Variants in ASPH observed in about 807,000 individuals in gnomAD.
The protein encoded by ASPH is aspartyl/asparaginyl beta-hydroxylase.
A neutral mutation model predicts 118.4 loss-of-function variants in ASPH; 100 were observed. That is an observed-to-expected ratio of 0.84 (90% CI 0.72 to 1.00). The LOEUF (loss-of-function observed/expected upper bound fraction) is 1.00. Among genes scored for constraint, ASPH ranks in the 50% least tolerant of loss-of-function variants. The pLI is 0.00. For missense variants in ASPH, 920 were observed against 919.5 expected (o/e 1.00, Z -0.01); for synonymous variants, 315 against 325.6 (o/e 0.97, Z 0.35).
intron 1 of ASPH, among the ~76,000 whole-genome samples, chr8:61,713,957 C>G (rs529436341): frequency 6.6e-6 from 1 of 152,352 alleles, no homozygotes; most frequent in East Asian, 1.9e-4. Flanking sequence ...ATGTTCAATT[C>G]CACGGAAAGC....
At chr8:61,578,383 G>C in intron 15 of ASPH, 1 of 1,605,354 alleles carries the variant, frequency 6.2e-7, no homozygotes, top group Non-Finnish European at 8.5e-7. Flanking sequence ...GGCGGCTATA[G>C]TGGGGCCAGC....
intron 1 of ASPH, among the ~76,000 whole-genome samples, chr8:61,707,239 T>TA (rs763178106): frequency 0.039 from 5,680 of 145,514 alleles, 301 homozygotes; most frequent in African/African-American, 0.13. Flanking sequence ...TTCAGGATAT[T>TA]AAAAAAAAAA....
intron 21 of ASPH, among the ~76,000 whole-genome samples, chr8:61,534,831 G>A (rs1818895972): frequency 6.6e-6 from 1 of 152,212 alleles, no homozygotes; most frequent in South Asian, 2.1e-4. Flanking sequence ...TAATTTGCAA[G>A]GGCAGCCATA....
At chr8:61,511,730 A>G (rs1313389068) in intron 24 of ASPH, among the ~76,000 whole-genome samples, 2 of 152,174 alleles carry the variant, frequency 1.3e-5, no homozygotes, top group African/African-American at 4.8e-5. Context: ...CAGCCTCCCA[A>G]GTAGCTGGGA....
At chr8:61,640,040 T>A (rs779184478) in intron 10 of ASPH, among the ~76,000 whole-genome samples, 18 of 152,218 alleles carry the variant, frequency 1.2e-4, no homozygotes, top group Admixed American at 4.6e-4. Flanking sequence ...CTATCATATC[T>A]GTCCTATCCG....
intron 21 of ASPH, among the ~76,000 whole-genome samples, chr8:61,544,729 A>C (rs1261213219): frequency 6.6e-6 from 1 of 152,232 alleles, no homozygotes; most frequent in Non-Finnish European, 1.5e-5. Flanking sequence ...AAGGTCATAC[A>C]ATGAACCTAA....
At chr8:61,684,434 A>G in intron 1 of ASPH, 1 of 407,838 alleles carries the variant, frequency 2.5e-6, no homozygotes, top group Non-Finnish European at 4.4e-6. Flanking sequence ...AAGATTTAGT[A>G]TAATATGTAT....
intron 1 of ASPH, among the ~76,000 whole-genome samples, chr8:61,705,204 C>T (rs909528080): frequency 2.0e-5 from 3 of 152,004 alleles, no homozygotes; most frequent in Non-Finnish European, 4.4e-5. Context: ...TGACTACCTA[C>T]GGACACAAAG....
At chr8:61,554,364 C>A (rs1397983258) in intron 19 of ASPH, among the ~76,000 whole-genome samples, 2 of 152,120 alleles carry the variant, frequency 1.3e-5, no homozygotes, top group African/African-American at 4.8e-5. Flanking sequence ...TTAATAGAAC[C>A]ATGCCAGCCA....
In ASPH at chr8:61,658,307, G is replaced by A. The variant is rs544317138; in HGVS notation, c.323-4647C>T. The A allele has an allele frequency of 4.2e-4, 64 of 152,324 alleles. 1 individual carries two copies. The highest frequency in any genetic ancestry group is 1.2e-3 in the African/African-American group (48 of 41,566). The allele number at this position is 152,324 out of a possible 1,614,324, so 9.4% of individuals were successfully genotyped here. A position where few individuals can be genotyped will look rare whatever the true frequency, so the allele number is the denominator to read the frequency against. On this transcript the variant is annotated intron_variant, in intron 3 of 24. Transcript: ENST00000379454. ...TTCAAAGCATCTTCAAGTAACCCAA[G>A]CTGGACAGACAGATTTCAAACAGAC...
intron 14 of ASPH, among the ~76,000 whole-genome samples, chr8:61,586,251 T>C (rs1253742584): frequency 1.3e-5 from 2 of 152,230 alleles, no homozygotes; most frequent in Non-Finnish European, 2.9e-5. Context: ...GTCTTCAGTC[T>C]CTTTAGCGGC....
intron 21 of ASPH, among the ~76,000 whole-genome samples, chr8:61,536,043 T>TG (rs1819429982): frequency 6.6e-6 from 1 of 150,562 alleles, no homozygotes; most frequent in East Asian, 2.0e-4. Flanking sequence ...GTGACTTTTT[T>TG]TTTTTTTTTT....
At chr8:61,605,812 T>C (rs1362964997) in intron 14 of ASPH, among the ~76,000 whole-genome samples, 2 of 152,104 alleles carry the variant, frequency 1.3e-5, no homozygotes, top group African/African-American at 2.4e-5. Flanking sequence ...TCCATGACGC[T>C]AGTACCAATG....
intron 14 of ASPH, among the ~76,000 whole-genome samples, chr8:61,607,835 T>A (rs1563994288): frequency 6.6e-6 from 1 of 152,232 alleles, no homozygotes; most frequent in Non-Finnish European, 1.5e-5. Flanking sequence ...ATTTGTTCAG[T>A]AAATGACATG....
chr8:61,714,431 C>G lies in ASPH; in HGVS notation c.-60G>C. ...ACCTCCTTCAGTGCGCGGGGGTACA[C>G]ACGCGACGCGGGAACCGCTGGCGGC... On this transcript the variant is annotated 5_prime_UTR_variant, in exon 1 of 25. Coordinates refer to ENST00000379454, the MANE Select transcript of ASPH (RefSeq NM_004318.4). 2.2e-6 allele frequency: 3 copies of G among 1,374,842 alleles called. No homozygotes were observed. Among genetic ancestry groups the G allele is most frequent in the Non-Finnish European group, 2.8e-6 (3 of 1,062,126 alleles). The allele number at this position is 1,374,842 out of a possible 1,614,324, so 85.2% of individuals were successfully genotyped here.
chr8:61,637,481 A>T (rs1415599649), intron 12 of ASPH, among the ~76,000 whole-genome samples: 2 of 152,180 alleles, frequency 1.3e-5, no homozygotes, highest in African/African-American at 4.8e-5. Flanking sequence ...CCACTGTTTA[A>T]TACATGCAAT....
chr8:61,534,766 G>C (rs922076449), intron 21 of ASPH, among the ~76,000 whole-genome samples: 1 of 152,224 alleles, frequency 6.6e-6, no homozygotes, highest in Non-Finnish European at 1.5e-5. Context: ...AGTTTTTGCT[G>C]AGGCAGTTAG....
intron 22 of ASPH, among the ~76,000 whole-genome samples, 176 bp from the exon 23 acceptor site, chr8:61,518,299 A>G (rs1811641066): frequency 6.6e-6 from 1 of 152,242 alleles, no homozygotes; most frequent in African/African-American, 2.4e-5. Context: ...AAATTTATCA[A>G]TAAAGAAGAC....
At chr8:61,694,934 C>G (rs554346352) in intron 1 of ASPH, among the ~76,000 whole-genome samples, 4 of 152,154 alleles carry the variant, frequency 2.6e-5, no homozygotes, top group African/African-American at 9.7e-5. Context: ...GACAAAAACA[C>G]CAGGATTCAT....
Sources: allele counts gnomAD v4.1 joint callset (sites outside exome capture counted in the v4.1 genomes callset), GRCh38; gene constraint gnomAD v4.1.1; transcripts MANE v1.5; gene names NCBI Gene and HGNC (gene_info 2026-07-23, HGNC 2026-07-21).